The following ENTHD1 variants were observed in gnomAD, a reference collection of about 807,000 sequenced individuals.
The protein encoded by ENTHD1 is ENTH domain containing 1.
ENTHD1 carries 23 observed loss-of-function variants against 39.1 expected under a neutral mutation model. That is an observed-to-expected ratio of 0.59 (90% CI 0.42 to 0.83). ENTHD1 has a LOEUF of 0.83. Ranked by LOEUF, ENTHD1 falls within the 40% of genes least tolerant of loss-of-function variation. ENTHD1 has a pLI of 0.00. For missense variants in ENTHD1, 624 were observed against 705.4 expected, an observed-to-expected ratio of 0.88 and a Z score of 1.31; for synonymous variants, 230 against 258.2, an observed-to-expected ratio of 0.89 and a Z score of 1.05.
At position 39,824,430 on chromosome 22, in the gene ENTHD1, C is replaced by G. The variant is rs184823678; in HGVS notation, c.712-3317G>C. Among the ~76,000 whole-genome samples the G allele has an allele frequency of 1.1e-3, 170 of 152,068 alleles. 1 individual carries two copies. The highest frequency in any genetic ancestry group is 3.6e-3 in the African/African-American group (151 of 41,500). ...TTTACCGTGTTGGCCAGGCTGGTCTCAAACTCCTGACCTAGTGATCCGCCC... is the reference window on the plus strand; with the variant it reads ...TTTACCGTGTTGGCCAGGCTGGTCTGAAACTCCTGACCTAGTGATCCGCCC... On this transcript the variant is annotated intron_variant, in intron 4 of 6. Transcript: ENST00000325157.
intron 3 of ENTHD1, among the ~76,000 whole-genome samples, chr22:39,855,913 C>A (rs1360809309): frequency 6.6e-6 from 1 of 152,178 alleles, no homozygotes; most frequent in African/African-American, 2.4e-5. Context: ...CTTGTGGATG[C>A]ACCTCCTTCT....
Position 39,876,185 on chromosome 22 carries a change from C to G in ENTHD1, c.349+11215G>C, listed in dbSNP as rs2066287971. On this transcript the variant is annotated intron_variant, in intron 2 of 6. Coordinates refer to ENST00000325157, the MANE Select transcript of ENTHD1 (RefSeq NM_152512.4). ...CTCAGGAGACTTATTTGAGAGGAAG[C>G]CTTCTGTACTTGAAGTTGATTTGAA... 2.7e-6 allele frequency: 4 copies of G among 1,455,014 alleles called. No individual in the cohort carries two copies. The East Asian group carries it at 9.2e-5, about 34-fold the overall frequency. 90.1% of individuals were successfully genotyped at this position (1,455,014 alleles called of 1,614,324 possible).
At chr22:39,828,241 C>T (rs1018330617) in intron 4 of ENTHD1, among the ~76,000 whole-genome samples, 1 of 152,160 alleles carries the variant, frequency 6.6e-6, no homozygotes, top group Non-Finnish European at 1.5e-5. Flanking sequence ...AGTAAGGAGC[C>T]ACCCTGCTCT....
At chr22:39,875,924 A>C (rs1487353802) in intron 2 of ENTHD1, 1 of 1,614,016 alleles carries the variant, frequency 6.2e-7, no homozygotes, top group Non-Finnish European at 8.5e-7. Flanking sequence ...TGAATGGGTT[A>C]TCCTGATAGG....
chr22:39,790,613 G>A (rs1365111071), intron 5 of ENTHD1, among the ~76,000 whole-genome samples: 4 of 152,150 alleles, frequency 2.6e-5, no homozygotes, highest in Non-Finnish European at 5.9e-5. Context: ...ACCAGCTTGG[G>A]GCACAGGCCA....
intron 4 of ENTHD1, among the ~76,000 whole-genome samples, chr22:39,822,930 T>C (rs1372465038): frequency 6.6e-6 from 1 of 152,216 alleles, no homozygotes; most frequent in Non-Finnish European, 1.5e-5. Flanking sequence ...TGCAAAATTA[T>C]AGTACAATAT....
At chr22:39,817,867 A>G (rs1342633952) in intron 5 of ENTHD1, among the ~76,000 whole-genome samples, 1 of 152,180 alleles carries the variant, frequency 6.6e-6, no homozygotes, top group Non-Finnish European at 1.5e-5. Flanking sequence ...TTTGTCAAGG[A>G]TTTATAATTT....
chr22:39,864,908 A>G (rs1022368358), intron 2 of ENTHD1, among the ~76,000 whole-genome samples: 2 of 152,134 alleles, frequency 1.3e-5, no homozygotes, highest in Admixed American at 6.6e-5. Flanking sequence ...AAAACAAAAA[A>G]TTTACCGAGT....
At chr22:39,817,831 A>G (rs1294710257) in intron 5 of ENTHD1, among the ~76,000 whole-genome samples, 2 of 152,232 alleles carry the variant, frequency 1.3e-5, no homozygotes, top group Non-Finnish European at 2.9e-5. Flanking sequence ...TGACATTTTC[A>G]TTGGACCTGG....
intron 3 of ENTHD1, among the ~76,000 whole-genome samples, chr22:39,848,772 T>C (rs1318694485): frequency 1.3e-5 from 2 of 152,188 alleles, no homozygotes; most frequent in Non-Finnish European, 2.9e-5. Context: ...TTTTAAAAAA[T>C]AATGTGCACT....
intron 5 of ENTHD1, among the ~76,000 whole-genome samples, chr22:39,796,675 T>C (rs2065552645): frequency 6.6e-6 from 1 of 152,244 alleles, no homozygotes; most frequent in African/African-American, 2.4e-5. Flanking sequence ...AAGTTCCATG[T>C]ATTTGTCTAG....
intron 3 of ENTHD1, among the ~76,000 whole-genome samples, chr22:39,855,961 TCTC>T (rs1199673344): frequency 6.6e-6 from 1 of 152,210 alleles, no homozygotes; most frequent in Non-Finnish European, 1.5e-5. Context: ...ATTTGCTACT[TCTC>T]CTGTCCCATT....
chr22:39,851,655 C>G (rs1569167380), intron 3 of ENTHD1, among the ~76,000 whole-genome samples: 1 of 152,204 alleles, frequency 6.6e-6, no homozygotes, highest in Non-Finnish European at 1.5e-5. Context: ...GGCTTTCCTT[C>G]CCAATGCTCA....
Position 39,775,493 on chromosome 22 carries a change from C to T in ENTHD1, c.833-9884G>A, listed in dbSNP as rs1412945703. ...CAATGATTAAAGAGCAGAACTAGAA[C>T]TAGAATCCCAGATTCCCAAATCCCA... On this transcript the variant is annotated intron_variant, in intron 5 of 6. Coordinates refer to ENST00000325157, the MANE Select transcript of ENTHD1 (RefSeq NM_152512.4). Among the ~76,000 whole-genome samples the T allele has an allele frequency of 5.3e-5, 8 of 152,244 alleles. No homozygotes were observed. The South Asian group carries it at 1.5e-3, about 28-fold the overall frequency.
At chr22:39,747,447 T>C (rs930364290) in intron 6 of ENTHD1, among the ~76,000 whole-genome samples, 1 of 152,230 alleles carries the variant, frequency 6.6e-6, no homozygotes, top group African/African-American at 2.4e-5. Flanking sequence ...CAAGTTTCTC[T>C]GATGTCATAG....
At chr22:39,875,903 G>T (rs2066285606) in intron 2 of ENTHD1, 1 of 1,613,872 alleles carries the variant, frequency 6.2e-7, no homozygotes. Context: ...TCTAGATCGA[G>T]TAAAGAAACC....
chr22:39,795,844 C>T (rs1569143963), intron 5 of ENTHD1, among the ~76,000 whole-genome samples: 1 of 152,086 alleles, frequency 6.6e-6, no homozygotes, highest in South Asian at 2.1e-4. Context: ...TCTAGGTTTT[C>T]CAATTTATCA....
intron 4 of ENTHD1, among the ~76,000 whole-genome samples, chr22:39,823,405 C>A (rs7286916): frequency 6.6e-6 from 1 of 152,144 alleles, no homozygotes; most frequent in East Asian, 1.9e-4. Flanking sequence ...AGTGCAGTGG[C>A]GCCATCTTGG....
chr22:39,875,395 C>G (rs1267803766), intron 2 of ENTHD1: 1 of 1,449,624 alleles, frequency 6.9e-7, no homozygotes, highest in Non-Finnish European at 9.0e-7. Context: ...CCACGGTGCC[C>G]GCCACCCCGG....
Sources: gnomAD v4.1 joint callset for allele counts (sites outside exome capture counted in the v4.1 genomes callset) on GRCh38, gnomAD v4.1.1 for gene constraint, MANE v1.5 for transcripts, NCBI Gene and HGNC (gene_info 2026-07-23, HGNC 2026-07-21) for gene names.